IMMP2L: variants seen among roughly 807,000 people sequenced by gnomAD.
The protein encoded by IMMP2L is inner mitochondrial membrane peptidase subunit 2, also known as mitochondrial inner membrane protease subunit 2.
A neutral mutation model predicts 19.3 loss-of-function variants in IMMP2L; 18 were observed. The ratio of observed to expected loss-of-function variants is 0.93; its 90% CI spans 0.64 to 1.38. The LOEUF is 1.38. Ranked by LOEUF, IMMP2L falls within the 40% of genes most tolerant of loss-of-function variation. The pLI is 0.00. For synonymous variants in IMMP2L, 76 were observed against 73.0 expected, an observed-to-expected ratio of 1.04 and a Z score of -0.21; for missense variants, 233 against 218.2, an observed-to-expected ratio of 1.07 and a Z score of -0.43.
At chr7:111,114,963 A>G in intron 3 of IMMP2L, among the ~76,000 whole-genome samples, 1 of 152,104 alleles carries the variant, frequency 6.6e-6, no homozygotes, top group East Asian at 1.9e-4. Context: ...GACAGGCATC[A>G]CCCAAATAGA....
At chr7:111,372,302 T>C (rs774034783) in intron 3 of IMMP2L, among the ~76,000 whole-genome samples, 4 of 151,728 alleles carry the variant, frequency 2.6e-5, no homozygotes, top group Non-Finnish European at 5.9e-5. Flanking sequence ...TTGAAAAAAA[T>C]ACAAAACACA....
intron 3 of IMMP2L, among the ~76,000 whole-genome samples, chr7:111,459,781 G>C (rs1054727419): frequency 1.3e-5 from 2 of 152,036 alleles, no homozygotes; most frequent in Admixed American, 6.6e-5. Flanking sequence ...TTACTGATCA[G>C]AAATTCACCG....
intron 3 of IMMP2L, among the ~76,000 whole-genome samples, chr7:111,135,282 T>C (rs1036309770): frequency 3.9e-5 from 6 of 152,222 alleles, no homozygotes; most frequent in African/African-American, 1.4e-4. Context: ...CTTTTTAAGA[T>C]ATAAGACATA....
intron 2 of IMMP2L, among the ~76,000 whole-genome samples, chr7:111,509,880 G>A (rs1845282725): frequency 6.6e-6 from 1 of 151,882 alleles, no homozygotes; most frequent in Non-Finnish European, 1.5e-5. Context: ...AATTATTCAG[G>A]CATATCAATG....
chr7:111,080,771 G>T (rs1795825903), intron 3 of IMMP2L, among the ~76,000 whole-genome samples: 1 of 152,056 alleles, frequency 6.6e-6, no homozygotes, highest in Admixed American at 6.6e-5. Context: ...CTATACGCTA[G>T]GCATTGTGCT....
At chr7:111,031,499 T>C (rs568800255) in intron 3 of IMMP2L, among the ~76,000 whole-genome samples, 1 of 151,794 alleles carries the variant, frequency 6.6e-6, no homozygotes, top group East Asian at 1.9e-4. Context: ...CTGAAATAAT[T>C]TAATGACCAA....
intron 5 of IMMP2L, among the ~76,000 whole-genome samples, chr7:110,828,513 A>G (rs1414686574): frequency 1.3e-5 from 2 of 152,180 alleles, no homozygotes; most frequent in Admixed American, 1.3e-4. Context: ...CTTAAATTCC[A>G]AAGAATCACT....
At chr7:110,933,507 CAA>C (rs74321856) in intron 4 of IMMP2L, among the ~76,000 whole-genome samples, 14,953 of 152,222 alleles carry the variant, frequency 0.098, 1,121 homozygotes, top group African/African-American at 0.21. Flanking sequence ...TGATATTAAA[CAA>C]GAGAAATTAT....
At chr7:110,692,921 G>A (rs1171095238) in intron 5 of IMMP2L, among the ~76,000 whole-genome samples, 2 of 152,156 alleles carry the variant, frequency 1.3e-5, no homozygotes, top group African/African-American at 4.8e-5. Flanking sequence ...AACCAGCCCA[G>A]TTTAAGAAGA....
At chr7:111,214,783 T>C (rs1366115397) in intron 3 of IMMP2L, among the ~76,000 whole-genome samples, 3 of 148,894 alleles carry the variant, frequency 2.0e-5, no homozygotes, top group South Asian at 2.1e-4. Context: ...TCCATAACCA[T>C]GTAAAAAAAA....
intron 3 of IMMP2L, among the ~76,000 whole-genome samples, chr7:111,446,682 C>G (rs1838479345): frequency 6.6e-6 from 1 of 152,224 alleles, no homozygotes; most frequent in Admixed American, 6.5e-5. Context: ...AGTTCCTCAC[C>G]AGCAACGGAA....
At chr7:111,154,872 A>G (rs1324411030) in intron 3 of IMMP2L, among the ~76,000 whole-genome samples, 1 of 152,040 alleles carries the variant, frequency 6.6e-6, no homozygotes, top group Non-Finnish European at 1.5e-5. Context: ...ATCCTCTTGC[A>G]TCAGCCTCCC....
At chr7:110,684,937 G>A (rs899037634) in intron 5 of IMMP2L, among the ~76,000 whole-genome samples, 2 of 152,002 alleles carry the variant, frequency 1.3e-5, no homozygotes, top group Non-Finnish European at 1.5e-5. Context: ...TGAAACAACA[G>A]TTCCAAATTT....
intron 3 of IMMP2L, among the ~76,000 whole-genome samples, chr7:111,189,161 A>G (rs556472862): frequency 6.6e-6 from 1 of 152,266 alleles, no homozygotes; most frequent in Admixed American, 6.5e-5. Flanking sequence ...TATTGTGGCT[A>G]TTCTCTAACC....
intron 5 of IMMP2L, among the ~76,000 whole-genome samples, chr7:110,715,464 GTA>G (rs1436238107): frequency 1.3e-5 from 2 of 152,074 alleles, no homozygotes; most frequent in Non-Finnish European, 2.9e-5. Context: ...TTGGTATGTT[GTA>G]TCTGGTTTTC....
Position 111,525,230 on chromosome 7 carries a change from G to A in IMMP2L, c.-2-3781C>T, listed in dbSNP as rs572159559. Among the ~76,000 whole-genome samples the A allele has an allele frequency of 4.6e-5, 7 of 152,232 alleles. No individual in the cohort carries two copies. In the East Asian group the frequency reaches 1.4e-3, roughly 29 times the overall value. On this transcript the variant is annotated intron_variant, in intron 1 of 5. Transcript: ENST00000405709. ...TGTGGGTAGGCAAGGGTATTCCAGA[G>A]AGCAGCCATGTCACATGCCAAAGTC... is the stretch of plus-strand genomic sequence containing the variant.
chr7:111,281,148 CAGAA>C (rs1819695860), intron 3 of IMMP2L, among the ~76,000 whole-genome samples: 4 of 55,320 alleles, frequency 7.2e-5, no homozygotes, highest in South Asian at 7.5e-4. Context: ...GACAGAAAGA[CAGAA>C]AGACAGAAAG....
chr7:111,503,551 C>A (rs892257923), intron 2 of IMMP2L, among the ~76,000 whole-genome samples: 2 of 152,110 alleles, frequency 1.3e-5, no homozygotes, highest in Admixed American at 1.3e-4. Context: ...CCTTGATGAA[C>A]ATTGATGCAA....
intron 3 of IMMP2L, among the ~76,000 whole-genome samples, chr7:111,384,316 GGAGA>G (rs1217990792): frequency 3.3e-5 from 5 of 150,654 alleles, no homozygotes; most frequent in African/African-American, 1.2e-4. Context: ...GGAGGGAAAA[GGAGA>G]AGGAGGAGGG....
Sources: gnomAD v4.1 joint callset for allele counts (sites outside exome capture counted in the v4.1 genomes callset) on GRCh38, gnomAD v4.1.1 for gene constraint, MANE v1.5 for transcripts, NCBI Gene and HGNC (gene_info 2026-07-23, HGNC 2026-07-21) for gene names.